The following RP1 variants were observed in gnomAD, a reference collection of about 807,000 sequenced individuals.
The protein encoded by RP1 is oxygen-regulated protein 1.
RP1 carries 16 observed loss-of-function variants against 14.8 expected under a neutral mutation model. The ratio of observed to expected loss-of-function variants is 1.08; its 90% CI spans 0.73 to 1.65. RP1 has a LOEUF of 1.65. Ranked by LOEUF, RP1 falls within the 40% of genes most tolerant of loss-of-function variation. RP1 has a pLI of 0.00. For missense variants in RP1, 2,631 were observed against 2,535.0 expected (o/e 1.04, Z -0.81); for synonymous variants, 876 against 883.6 (o/e 0.99, Z 0.15).
At chr8:54,643,271 A>G (rs1176122119) in intron 3 of RP1, among the ~76,000 whole-genome samples, 1 of 152,198 alleles carries the variant, frequency 6.6e-6, no homozygotes, top group Non-Finnish European at 1.5e-5. Context: ...ATGAGTTTTA[A>G]CAGTTGTGTT....
intron 1 of RP1, among the ~76,000 whole-genome samples, chr8:54,572,255 G>T (rs1027794712): frequency 6.6e-6 from 1 of 152,248 alleles, no homozygotes; most frequent in Admixed American, 6.5e-5. Context: ...TCTGCACAGG[G>T]TGTTTCAGCT....
intron 8 of RP1, chr8:54,678,378 G>A: frequency 8.5e-7 from 1 of 1,174,226 alleles, no homozygotes; most frequent in Non-Finnish European, 1.2e-6. Flanking sequence ...ATATTTGGAA[G>A]TTAGAACTTG....
At chr8:54,797,270 G>A (rs1262821592) in intron 24 of RP1, among the ~76,000 whole-genome samples, 1 of 152,024 alleles carries the variant, frequency 6.6e-6, no homozygotes, top group Non-Finnish European at 1.5e-5. Flanking sequence ...TTATAGAGGA[G>A]GACGGCACCT....
At chr8:54,869,959 C>T in exon 29 of RP1, 1 of 1,122,576 alleles carries the variant, frequency 8.9e-7, no homozygotes, top group African/African-American at 1.6e-5. Flanking sequence ...CCACTTGGGC[C>T]TGTCGCTCCA....
rs1806123103 is a variant in RP1, at chr8:54,628,001, T to C, written c.4119T>C (p.Asn1373=). 1.2e-6 allele frequency: 2 copies of C among 1,613,936 alleles called. No homozygotes were observed. Among genetic ancestry groups the C allele is most frequent in the Non-Finnish European group, 1.7e-6 (2 of 1,179,946 alleles). ...GTGATGACATTCAGAAAGATCTAAA[T>C]ATTTTGACAGACCCTGAATATAAAA... ...ERGDDIQKDL[N]ILTDPEYKNG... The change falls in exon 4 of 4, where the codon AAT becomes AAC. Residue 1373 remains asparagine, a synonymous_variant. Coordinates refer to ENST00000220676, the MANE Select transcript of RP1 (RefSeq NM_006269.2).
At chr8:54,789,900 C>T (rs1563377204) in intron 24 of RP1, among the ~76,000 whole-genome samples, 1 of 152,134 alleles carries the variant, frequency 6.6e-6, no homozygotes, top group Non-Finnish European at 1.5e-5. Context: ...ATTGCAGAGC[C>T]CAGGCTGCAG....
rs201839635 is a variant in RP1 at position 54,628,077 on chromosome 8, T to C, written c.4195T>C (p.Cys1399Arg). ...SHQNVSNLSS[C>R]GLCLSEKEAE... ...TCAAAATGTCAGTAATTTAAGCTCCTGTGGCCTTTGCCTAAGTGAAAAAGA... is the reference window on the plus strand; with the variant it reads ...TCAAAATGTCAGTAATTTAAGCTCCCGTGGCCTTTGCCTAAGTGAAAAAGA... Residue 1399 changes from cysteine (C) to arginine (R), a missense_variant, in exon 4 of 4, where the codon TGT becomes CGT. Transcript: ENST00000220676. 10 of 1,614,054 alleles carry C rather than the reference T, an allele frequency of 6.2e-6. No individual in the cohort carries two copies. Among genetic ancestry groups the C allele is most frequent in the Non-Finnish European group, 6.8e-6 (8 of 1,179,934 alleles).
chr8:54,747,133 C>T (rs1563364699), intron 19 of RP1, among the ~76,000 whole-genome samples: 1 of 152,146 alleles, frequency 6.6e-6, no homozygotes. Flanking sequence ...TCTCTTCTCT[C>T]TGCTGTAAAG....
chr8:54,863,055 A>ATATG (rs1405624807), intron 27 of RP1, among the ~76,000 whole-genome samples: 2 of 140,786 alleles, frequency 1.4e-5, no homozygotes, highest in Admixed American at 7.0e-5. Context: ...ATATATATAT[A>ATATG]TATATATATA....
intron 17 of RP1, among the ~76,000 whole-genome samples, chr8:54,728,454 A>G (rs1193204168): frequency 6.6e-6 from 1 of 152,198 alleles, no homozygotes; most frequent in Non-Finnish European, 1.5e-5. Context: ...CTAAAACCAA[A>G]TATCAGTTCC....
chr8:54,694,831 C>T (rs1807815927), intron 12 of RP1, among the ~76,000 whole-genome samples: 1 of 152,188 alleles, frequency 6.6e-6, no homozygotes, highest in South Asian at 2.1e-4. Context: ...CAGTTCTTCT[C>T]TGATTTTAGT....
At chr8:54,767,147 G>A (rs1023800113) in intron 22 of RP1, among the ~76,000 whole-genome samples, 2 of 152,168 alleles carry the variant, frequency 1.3e-5, no homozygotes, top group African/African-American at 4.8e-5. Flanking sequence ...TGGCAGTCAG[G>A]AAATGCAGTA....
chr8:54,654,760 A>G (rs1806721516), intron 5 of RP1, among the ~76,000 whole-genome samples: 1 of 151,960 alleles, frequency 6.6e-6, no homozygotes, highest in Non-Finnish European at 1.5e-5. Flanking sequence ...CGATCCTCCC[A>G]CCTCAGCCTC....
At chr8:54,691,831 T>G (rs1807718975) in intron 12 of RP1, among the ~76,000 whole-genome samples, 1 of 152,072 alleles carries the variant, frequency 6.6e-6, no homozygotes, top group South Asian at 2.1e-4. Context: ...TTATTATTAT[T>G]ATACTTTAAG....
At chr8:54,716,735 T>C (rs1808413714) in intron 15 of RP1, among the ~76,000 whole-genome samples, 1 of 152,178 alleles carries the variant, frequency 6.6e-6, no homozygotes, top group Admixed American at 6.5e-5. Flanking sequence ...TGTCTCCATG[T>C]GAGCTGCGGA....
At chr8:54,706,694 G>A in intron 15 of RP1, 1 of 1,524,286 alleles carries the variant, frequency 6.6e-7, no homozygotes, top group Non-Finnish European at 8.8e-7. Flanking sequence ...AAATGTTTAA[G>A]ACATTTGCCA....
At chr8:54,634,032 T>A (rs1324246720), downstream of RP1, among the ~76,000 whole-genome samples, 1 of 151,934 alleles carries the variant, frequency 6.6e-6, no homozygotes, top group Non-Finnish European at 1.5e-5. Context: ...TGATACTCTA[T>A]GTACAGATCT....
chr8:54,660,873 G>A (rs764007649), intron 6 of RP1, among the ~76,000 whole-genome samples: 4 of 151,824 alleles, frequency 2.6e-5, no homozygotes, highest in Non-Finnish European at 5.9e-5. Context: ...TTCTTACATG[G>A]AAAATAAAAG....
chr8:54,742,741 G>T (rs1050490474), intron 19 of RP1, among the ~76,000 whole-genome samples: 5 of 152,194 alleles, frequency 3.3e-5, no homozygotes, highest in Non-Finnish European at 7.3e-5. Context: ...TACTGGGAAA[G>T]GTGAGTCAGA....
Sources: allele counts gnomAD v4.1 joint callset (sites outside exome capture counted in the v4.1 genomes callset), GRCh38; gene constraint gnomAD v4.1.1; transcripts MANE v1.5; gene names NCBI Gene and HGNC (gene_info 2026-07-23, HGNC 2026-07-21).